Variants in DSC1 observed in about 807,000 individuals in gnomAD.
DSC1 encodes the protein desmocollin-1.
A neutral mutation model predicts 98.8 loss-of-function variants in DSC1; 79 were observed. That is an observed-to-expected ratio of 0.80 (90% CI 0.67 to 0.96). The LOEUF (loss-of-function observed/expected upper bound fraction) is 0.96, where lower values mean the gene tolerates loss of function less well. DSC1 is among the 50% of genes least tolerant of loss of function. The probability of loss-of-function intolerance (pLI) is 0.00; values close to 1 mark genes in which losing one functional copy is unlikely to be tolerated. For synonymous variants in DSC1, 405 were observed against 372.1 expected, an observed-to-expected ratio of 1.09 and a Z score of -1.02; for missense variants, 1,115 against 1,075.9, an observed-to-expected ratio of 1.04 and a Z score of -0.51.
rs1989089000 is a variant in DSC1, at chr18:31,155,978, C to G, written c.471+65G>C. On this transcript the variant is annotated intron_variant, in intron 4 of 15. Coordinates refer to ENST00000257198, the MANE Select transcript of DSC1 (RefSeq NM_024421.2). The stretch of plus-strand genomic sequence containing the variant: ...CTCTGATTCAATATGCTGTGCAATT[C>G]AAATGAAAAGTTTAAGAACAAAAAA... The G allele has an allele frequency of 2.6e-6, 4 of 1,548,768 alleles. No individual in the cohort carries two copies. The Admixed American group carries it at 7.2e-5, about 28-fold the overall frequency.
Position 31,146,209 on chromosome 18 carries a change from T to C in DSC1, c.773-432A>G, listed in dbSNP as rs559360886. Among the ~76,000 whole-genome samples, 211 of 152,236 alleles carry C rather than the reference T, an allele frequency of 1.4e-3. 2 individuals are homozygous for C. Among genetic ancestry groups the C allele is most frequent in the Non-Finnish European group, 2.5e-3 (172 of 68,010 alleles). ...CCCCCGTAGTGAATGTGGTACCGAATACGTAGTTTTCAGCCCCTTCCCTCC... is the reference window on the plus strand; with the variant it reads ...CCCCCGTAGTGAATGTGGTACCGAACACGTAGTTTTCAGCCCCTTCCCTCC... On this transcript the variant is annotated intron_variant, in intron 6 of 15. Transcript: ENST00000257198.
intron 11 of DSC1, among the ~76,000 whole-genome samples, chr18:31,135,884 T>G (rs1988599529): frequency 6.6e-6 from 1 of 152,178 alleles, no homozygotes; most frequent in South Asian, 2.1e-4. Context: ...ACATGTATGT[T>G]GAATTTATCA....
Position 31,162,609 on chromosome 18 carries a change from ATGGCCAGGGACGG to A in DSC1, c.-28_-16del, listed in dbSNP as rs748455078. The A allele has an allele frequency of 1.9e-6, 3 of 1,613,860 alleles. No individual in the cohort carries two copies. Among genetic ancestry groups the A allele is most frequent in the Non-Finnish European group, 2.5e-6 (3 of 1,179,810 alleles). Reference sequence around the variant, plus strand: ...GCCAGAGCCATCAGAAGCAGTCCCAATGGCCAGGGACGGTGGCCAGATAACAGGGCAGCCTGGG... The same window carrying A: ...GCCAGAGCCATCAGAAGCAGTCCCAATGGCCAGATAACAGGGCAGCCTGGG... On this transcript the variant is annotated 5_prime_UTR_variant, in exon 1 of 16. Coordinates refer to ENST00000257198, the MANE Select transcript of DSC1 (RefSeq NM_024421.2).
At chr18:31,130,879 C>G in intron 15 of DSC1, 168 bp from the exon 16 acceptor site, 2 of 1,551,012 alleles carry the variant, frequency 1.3e-6, no homozygotes, top group South Asian at 1.2e-5. Flanking sequence ...GTATTATAGT[C>G]ACTCTTAAAA....
At chr18:31,150,315 C>CCGCTAT (rs1568002726) in intron 5 of DSC1, among the ~76,000 whole-genome samples, 4 of 65,172 alleles carry the variant, frequency 6.1e-5, no homozygotes, top group Non-Finnish European at 6.7e-5. Flanking sequence ...ACCACCACTA[C>CCGCTAT]TACCATCATC....
At chr18:31,162,474 CAG>C (rs1402292080) in intron 1 of DSC1, 56 bp downstream of exon 1, 6 of 1,549,830 alleles carry the variant, frequency 3.9e-6, no homozygotes, top group Non-Finnish European at 5.3e-6. Context: ...GCCCAAACTG[CAG>C]AGAGGAAGCA....
intron 9 of DSC1, among the ~76,000 whole-genome samples, chr18:31,140,706 C>T (rs1352132687): frequency 6.6e-6 from 1 of 152,186 alleles, no homozygotes. Flanking sequence ...TATAATACAG[C>T]AGTTACTCTA....
At chr18:31,131,404 A>G in intron 15 of DSC1, 190 bp downstream of exon 15, 2 of 798,700 alleles carry the variant, frequency 2.5e-6, no homozygotes, top group Non-Finnish European at 3.8e-6. Flanking sequence ...TGTAAACTGT[A>G]TTTTCAAAGG....
Position 31,145,714 on chromosome 18 carries a change from A to C in DSC1, c.836T>G (p.Leu279Arg). 1 of 1,614,236 alleles carries C rather than the reference A, an allele frequency of 6.2e-7. No individual in the cohort carries two copies. Among genetic ancestry groups the C allele is most frequent in the Non-Finnish European group, 8.5e-7 (1 of 1,180,040 alleles). ...LDEPDTLHTR[L>R]KYKILQQIPD... ...GATTTGTTGTAAGATTTTATATTTC[A>C]GACGAGTATGGAGAGTGTCAGGTTC... Residue 279 changes from leucine to arginine, a missense_variant, in exon 7 of 16, where the codon CTG becomes CGG. Physicochemically the swap from Leu to Arg is moderately radical, Grantham distance 102. Transcript: ENST00000257198.
chr18:31,137,559 A>G (rs1045631937), intron 11 of DSC1, among the ~76,000 whole-genome samples: 7 of 152,196 alleles, frequency 4.6e-5, no homozygotes, highest in Admixed American at 2.6e-4. Context: ...ACGATTTACA[A>G]AGAAAAAGGG....
In DSC1 at chr18:31,162,621, G is replaced by A. The variant is rs201007943; in HGVS notation, c.-27C>T. ...AGAAGCAGTCCCAATGGCCAGGGACGGTGGCCAGATAACAGGGCAGCCTGG... is the reference window on the plus strand; with the variant it reads ...AGAAGCAGTCCCAATGGCCAGGGACAGTGGCCAGATAACAGGGCAGCCTGG... On this transcript the variant is annotated 5_prime_UTR_variant, in exon 1 of 16. Transcript: ENST00000257198. 4.6e-5 allele frequency: 74 copies of A among 1,608,930 alleles called. No homozygotes were observed. The Middle Eastern group carries it at 1.2e-3, about 25-fold the overall frequency.
intron 5 of DSC1, among the ~76,000 whole-genome samples, chr18:31,151,436 G>A (rs1330176153): frequency 6.6e-6 from 1 of 151,908 alleles, no homozygotes; most frequent in African/African-American, 2.4e-5. Flanking sequence ...ACTCAATAGA[G>A]GTAATGGTTT....
chr18:31,139,342 C>T (rs1036642913), intron 11 of DSC1, among the ~76,000 whole-genome samples: 1 of 152,054 alleles, frequency 6.6e-6, no homozygotes, highest in Admixed American at 6.6e-5. Context: ...TTGAACCCAA[C>T]TGTTTTAGGT....
At chr18:31,142,538 T>G (rs577509009) in intron 8 of DSC1, among the ~76,000 whole-genome samples, 1 of 152,284 alleles carries the variant, frequency 6.6e-6, no homozygotes, top group Admixed American at 6.5e-5. Flanking sequence ...TGTCTTATGT[T>G]AATATATTAA....
chr18:31,138,010 G>GTGT (rs1555644300), intron 11 of DSC1, among the ~76,000 whole-genome samples: 2 of 123,518 alleles, frequency 1.6e-5, no homozygotes, highest in Admixed American at 1.6e-4. Context: ...TGTGTGTGTG[G>GTGT]ATTAAAGTTC....
At chr18:31,142,215 T>G in intron 8 of DSC1, 31 bp from the exon 9 acceptor site, 1 of 1,581,124 alleles carries the variant, frequency 6.3e-7, no homozygotes, top group Non-Finnish European at 8.6e-7. Context: ...TATTATCAAT[T>G]TACAACTTTG....
Position 31,132,662 on chromosome 18 carries a change from G to A in DSC1, c.2144C>T (p.Thr715Ile), listed in dbSNP as rs774802565. 81 of 1,613,068 alleles carry A rather than the reference G, an allele frequency of 5.0e-5. No individual in the cohort carries two copies. In the South Asian group the frequency reaches 8.5e-4, roughly 17 times the overall value. The stretch of plus-strand genomic sequence containing the variant: ...ACATTTCTTGACTGTTCTCTTAGCA[G>A]TGACACAGAAACATGTAAACAGAAT... ...LCILFTCFCV[T>I]AKRTVKKCFP... The change falls in exon 14 of 16, where the codon ACT (threonine) becomes ATT (isoleucine). Residue 715 changes from threonine to isoleucine, a missense_variant. By Grantham distance (89) the Thr-to-Ile change is moderately conservative (BLOSUM62 -1). Coordinates refer to ENST00000257198, the MANE Select transcript of DSC1 (RefSeq NM_024421.2).
rs1381227922 is a variant in DSC1 at position 31,132,094 on chromosome 18, G to C, written c.2239-252C>G. 5 of 521,346 alleles carry C rather than the reference G, an allele frequency of 9.6e-6. No individual in the cohort carries two copies. In the East Asian group the frequency reaches 1.8e-4, roughly 18 times the overall value. 32.3% of individuals were successfully genotyped at this position (521,346 alleles called of 1,614,324 possible). On this transcript the variant is annotated intron_variant, in intron 14 of 15. Transcript: ENST00000257198. Reference sequence around the variant, plus strand: ...GGTCATTGTAGATGTAATTAGCTAAGATGAGGTTATATGGGATTAGAGTGG... The same window carrying C: ...GGTCATTGTAGATGTAATTAGCTAACATGAGGTTATATGGGATTAGAGTGG...
chr18:31,131,550 A>C (rs550227268), intron 15 of DSC1, 44 bp downstream of exon 15: 1 of 1,602,886 alleles, frequency 6.2e-7, no homozygotes, highest in East Asian at 2.2e-5. Flanking sequence ...TATAACTAGC[A>C]TTTAACTTCC....
Sources: gnomAD v4.1 joint callset for allele counts (sites outside exome capture counted in the v4.1 genomes callset) on GRCh38, gnomAD v4.1.1 for gene constraint, MANE v1.5 for transcripts, NCBI Gene and HGNC (gene_info 2026-07-23, HGNC 2026-07-21) for gene names.